The following FSTL4 variants were observed in gnomAD, a reference collection of about 807,000 sequenced individuals.
FSTL4 encodes follistatin like 4, also known as follistatin-related protein 4.
A neutral mutation model predicts 78.2 loss-of-function variants in FSTL4; 28 were observed. The observed-to-expected ratio is 0.36, with a 90% CI of 0.27 to 0.49. FSTL4 has a LOEUF of 0.49. FSTL4 is among the 20% of genes least tolerant of loss of function. FSTL4 has a pLI of 0.98. For synonymous variants in FSTL4, 422 were observed against 440.5 expected (o/e 0.96, Z 0.53); for missense variants, 922 against 1,084.9 (o/e 0.85, Z 2.11).
chr5:133,234,127 A>G (rs1751587703), intron 7 of FSTL4, among the ~76,000 whole-genome samples: 1 of 152,192 alleles, frequency 6.6e-6, no homozygotes, highest in South Asian at 2.1e-4. Flanking sequence ...GATTTGGCCC[A>G]TGGGCTGCAG....
At chr5:133,746,779 T>C in the FSTL4 span, among the ~76,000 whole-genome samples, 3 of 152,174 alleles carry the variant, frequency 2.0e-5, no homozygotes, top group Non-Finnish European at 4.4e-5. Flanking sequence ...TCTATCCTAA[T>C]TGTCTAAATG....
the FSTL4 span, among the ~76,000 whole-genome samples, chr5:133,774,375 A>G: frequency 1.3e-5 from 2 of 152,212 alleles, no homozygotes; most frequent in Non-Finnish European, 2.9e-5. Context: ...TTGGGTTGCC[A>G]CAACTGTAGA....
chr5:133,686,034 G>A, the FSTL4 span, among the ~76,000 whole-genome samples: 67,316 of 151,724 alleles, frequency 0.44, 15,091 homozygotes, highest in East Asian at 0.57. Context: ...CTGCATCTAT[G>A]AGGCGCCCAC....
At chr5:133,795,342 A>G in the FSTL4 span, among the ~76,000 whole-genome samples, 1 of 152,356 alleles carries the variant, frequency 6.6e-6, no homozygotes, top group African/African-American at 2.4e-5. Flanking sequence ...ACAGCAAGCC[A>G]GATAATAAAT....
chr5:133,801,634 C>T, the FSTL4 span, among the ~76,000 whole-genome samples: 1 of 152,270 alleles, frequency 6.6e-6, no homozygotes, highest in African/African-American at 2.4e-5. Context: ...GCGGTGTCCC[C>T]GCCCCACTGC....
Position 133,199,679 on chromosome 5 carries a change from G to T in FSTL4, c.1945C>A (p.His649Asn). 6.2e-7 allele frequency: 1 copy of T among 1,614,064 alleles called. No individual in the cohort carries two copies. Among genetic ancestry groups the T allele is most frequent in the Non-Finnish European group, 8.5e-7 (1 of 1,179,944 alleles). ...HHGCVPQAMA[H>N]THLGGYFFIQ... ...AAGAAGTAGCCGCCCAGGTGGGTGT[G>T]TGCCATGGCCTGGGGCACGCAGCCA... Residue 649 changes from histidine to asparagine, a missense_variant, in exon 16 of 16, where the codon CAC (histidine) becomes AAC (asparagine). Transcript: ENST00000265342. The surrounding 1 kb of genome is among the most constrained non-coding windows in gnomAD (Gnocchi z 4.4).
intron 4 of FSTL4, among the ~76,000 whole-genome samples, chr5:133,399,965 A>G (rs1014527717): frequency 5.3e-5 from 8 of 152,188 alleles, no homozygotes; most frequent in Admixed American, 3.3e-4. Flanking sequence ...GGCCACATCA[A>G]TCAACCCAGG....
chr5:133,581,261 G>T (rs541018979), intron 2 of FSTL4, among the ~76,000 whole-genome samples: 1 of 152,206 alleles, frequency 6.6e-6, no homozygotes, highest in Non-Finnish European at 1.5e-5. Flanking sequence ...AGCAGAGCTA[G>T]ATTGGTGTTT....
At chr5:133,458,342 A>G (rs1356298468) in intron 3 of FSTL4, 1 of 152,240 alleles carries the variant, frequency 6.6e-6, no homozygotes, top group African/African-American at 2.4e-5. Flanking sequence ...GAAAATGGTA[A>G]TGGCAGCCTT....
intron 4 of FSTL4, among the ~76,000 whole-genome samples, chr5:133,344,966 C>A (rs914579043): frequency 2.0e-5 from 3 of 147,136 alleles, no homozygotes; most frequent in Admixed American, 6.7e-5. Context: ...TCCATGCCCC[C>A]ACTTTTTTTT....
the FSTL4 span, among the ~76,000 whole-genome samples, chr5:133,782,094 A>G: frequency 1.3e-5 from 2 of 152,244 alleles, no homozygotes; most frequent in South Asian, 4.1e-4. Context: ...GAAATACTCA[A>G]CAACAGCTAT....
intron 3 of FSTL4, among the ~76,000 whole-genome samples, chr5:133,441,783 T>C (rs1001407926): frequency 6.6e-6 from 1 of 152,172 alleles, no homozygotes; most frequent in Non-Finnish European, 1.5e-5. Context: ...CTGACACTGC[T>C]CCGCACATGG....
chr5:133,465,031 C>T (rs1333742138), intron 3 of FSTL4, among the ~76,000 whole-genome samples: 1 of 152,210 alleles, frequency 6.6e-6, no homozygotes, highest in Non-Finnish European at 1.5e-5. Flanking sequence ...TTAATTGATT[C>T]ATGCATGCAG....
At chr5:133,548,774 TAAA>T (rs1395386915) in intron 3 of FSTL4, among the ~76,000 whole-genome samples, 1 of 151,694 alleles carries the variant, frequency 6.6e-6, no homozygotes, top group African/African-American at 2.4e-5. Flanking sequence ...AGAATTAACA[TAAA>T]AAAACTCTGA....
intron 4 of FSTL4, among the ~76,000 whole-genome samples, chr5:133,380,152 AC>A (rs1755533365): frequency 1.3e-5 from 2 of 152,166 alleles, no homozygotes; most frequent in African/African-American, 4.8e-5. Flanking sequence ...AGCAAACTAA[AC>A]CCAAAACAAG....
At chr5:133,313,072 G>A (rs569348838) in intron 5 of FSTL4, among the ~76,000 whole-genome samples, 8 of 152,326 alleles carry the variant, frequency 5.3e-5, no homozygotes, top group Admixed American at 1.3e-4. Context: ...AGTCTAAGAT[G>A]GGAATCCTTG....
At chr5:133,738,015 C>T in the FSTL4 span, among the ~76,000 whole-genome samples, 2 of 152,140 alleles carry the variant, frequency 1.3e-5, no homozygotes, top group East Asian at 1.9e-4. Flanking sequence ...CCTGTTTCTC[C>T]GGGCTCAGGG....
At chr5:133,294,725 A>T (rs1240687402) in intron 6 of FSTL4, among the ~76,000 whole-genome samples, 3 of 152,056 alleles carry the variant, frequency 2.0e-5, no homozygotes, top group East Asian at 1.9e-4. Flanking sequence ...ATCACCTCCC[A>T]TCTCTTCTGG....
At chr5:133,607,180 T>C (rs1365892952) in intron 1 of FSTL4, among the ~76,000 whole-genome samples, 1 of 152,208 alleles carries the variant, frequency 6.6e-6, no homozygotes, top group East Asian at 1.9e-4. Flanking sequence ...ATTTGCACTG[T>C]GGATGTGTTT....
Sources: gnomAD v4.1 joint callset for allele counts (sites outside exome capture counted in the v4.1 genomes callset) on GRCh38, gnomAD v4.1.1 for gene constraint, Gnocchi (gnomAD v3.1) non-coding constraint, MANE v1.5 for transcripts, NCBI Gene and HGNC (gene_info 2026-07-23, HGNC 2026-07-21) for gene names.